Variants in KIAA1328 observed in about 807,000 individuals in gnomAD.
The protein encoded by KIAA1328 is KIAA1328.
Under a neutral mutation model 68.1 loss-of-function variants are expected in KIAA1328, and 52 were observed. The ratio of observed to expected loss-of-function variants is 0.76; its 90% confidence interval spans 0.61 to 0.96. The LOEUF is 0.96. Ranked by LOEUF, KIAA1328 falls within the 40% of genes least tolerant of loss-of-function variation. KIAA1328 has a pLI of 0.00. For missense variants in KIAA1328, 641 were observed against 677.6 expected (o/e 0.95, Z 0.60); for synonymous variants, 232 against 239.4 (o/e 0.97, Z 0.28).
chr18:37,036,748 C>T (rs2055042712), intron 6 of KIAA1328, among the ~76,000 whole-genome samples: 1 of 152,172 alleles, frequency 6.6e-6, no homozygotes, highest in Non-Finnish European at 1.5e-5. Flanking sequence ...TTTACATGCA[C>T]ACACACACAT....
intron 9 of KIAA1328, among the ~76,000 whole-genome samples, chr18:37,200,695 C>T (rs1050581212): frequency 2.0e-5 from 3 of 151,710 alleles, no homozygotes; most frequent in Non-Finnish European, 4.4e-5. Flanking sequence ...CCTGTAGTCC[C>T]AGCTACTCGG....
chr18:37,125,989 A>C (rs1320434617), intron 7 of KIAA1328, among the ~76,000 whole-genome samples: 1 of 152,216 alleles, frequency 6.6e-6, no homozygotes, highest in Non-Finnish European at 1.5e-5. Flanking sequence ...ATGTGTGCAA[A>C]AAATGATTGC....
At chr18:36,924,432 G>A (rs886433519) in intron 5 of KIAA1328, among the ~76,000 whole-genome samples, 5 of 152,062 alleles carry the variant, frequency 3.3e-5, no homozygotes, top group African/African-American at 1.2e-4. Flanking sequence ...GATTTGATGT[G>A]GGAGCTAACA....
chr18:36,857,085 CA>C (rs2047409106), intron 4 of KIAA1328, among the ~76,000 whole-genome samples: 1 of 152,114 alleles, frequency 6.6e-6, no homozygotes, highest in Non-Finnish European at 1.5e-5. Context: ...AGCCTCCTTG[CA>C]CTGCTAAGGC....
chr18:36,877,761 G>A (rs971691292), intron 4 of KIAA1328, among the ~76,000 whole-genome samples: 9 of 149,760 alleles, frequency 6.0e-5, no homozygotes, highest in African/African-American at 7.4e-5. Flanking sequence ...GTGCCTCCCA[G>A]GTTCAGGCCA....
At chr18:37,002,414 C>T (rs530508484) in intron 6 of KIAA1328, among the ~76,000 whole-genome samples, 360 of 151,448 alleles carry the variant, frequency 2.4e-3, no homozygotes, top group Non-Finnish European at 2.2e-3. Flanking sequence ...GAGATGGAGT[C>T]TCACTGTGTT....
Position 37,223,589 on chromosome 18 carries a change from C to T in KIAA1328, c.*1362C>T. On this transcript the variant is annotated 3_prime_UTR_variant, in exon 10 of 10. Coordinates refer to ENST00000280020, the MANE Select transcript of KIAA1328 (RefSeq NM_020776.3). Reference sequence around the variant, plus strand: ...TTTTTTTCTCTCCTTTTTACCAACCCCAACTAAACTGGGAGTAAGACTTAG... The same window carrying T: ...TTTTTTTCTCTCCTTTTTACCAACCTCAACTAAACTGGGAGTAAGACTTAG... The T allele has an allele frequency of 1.0e-6, 1 of 985,358 alleles. No homozygotes were observed. The highest frequency in any genetic ancestry group is 4.7e-5 in the South Asian group (1 of 21,270). 61.0% of individuals were successfully genotyped at this position (985,358 alleles called of 1,614,324 possible).
intron 7 of KIAA1328, among the ~76,000 whole-genome samples, chr18:37,086,825 C>G (rs2057118436): frequency 6.6e-6 from 1 of 152,190 alleles, no homozygotes; most frequent in African/African-American, 2.4e-5. Context: ...TTCCCCATCA[C>G]AACTATTAGG....
At chr18:37,093,038 C>A (rs965867389) in intron 7 of KIAA1328, among the ~76,000 whole-genome samples, 8 of 152,214 alleles carry the variant, frequency 5.3e-5, no homozygotes, top group Non-Finnish European at 1.0e-4. Flanking sequence ...CTATCAGATA[C>A]TGCTGACACT....
At chr18:37,040,112 C>G (rs1417820484) in intron 6 of KIAA1328, among the ~76,000 whole-genome samples, 2 of 152,150 alleles carry the variant, frequency 1.3e-5, no homozygotes, top group Non-Finnish European at 2.9e-5. Context: ...CCTTTTGCCA[C>G]CACTCTTAGA....
intron 6 of KIAA1328, among the ~76,000 whole-genome samples, chr18:36,984,857 G>A (rs1319660809): frequency 8.4e-5 from 11 of 130,218 alleles, no homozygotes; most frequent in Admixed American, 1.9e-4. Context: ...AGGGAGCAGA[G>A]ATCACACTAC....
chr18:37,004,455 T>C (rs1002810105), intron 6 of KIAA1328, among the ~76,000 whole-genome samples: 30 of 152,036 alleles, frequency 2.0e-4, no homozygotes, highest in African/African-American at 7.0e-4. Context: ...AGGACATGAA[T>C]AGACAATTCT....
At chr18:36,829,671 A>G (rs1568045649) in intron 1 of KIAA1328, among the ~76,000 whole-genome samples, 1 of 152,188 alleles carries the variant, frequency 6.6e-6, no homozygotes, top group Non-Finnish European at 1.5e-5. Flanking sequence ...TCGGACTTAA[A>G]AGGCCCTCCA....
intron 5 of KIAA1328, among the ~76,000 whole-genome samples, chr18:36,893,455 G>T (rs1287390817): frequency 1.5e-5 from 2 of 137,220 alleles, no homozygotes; most frequent in East Asian, 2.0e-4. Flanking sequence ...GTGTGTGTGT[G>T]TGTGTGTTTT....
chr18:37,143,358 T>C (rs1017150199), intron 7 of KIAA1328, among the ~76,000 whole-genome samples: 1 of 152,170 alleles, frequency 6.6e-6, no homozygotes, highest in African/African-American at 2.4e-5. Flanking sequence ...GACTATTGGT[T>C]TTTGAAGACT....
chr18:37,130,041 G>A (rs989093569), intron 7 of KIAA1328, among the ~76,000 whole-genome samples: 2 of 152,130 alleles, frequency 1.3e-5, no homozygotes, highest in Non-Finnish European at 2.9e-5. Flanking sequence ...TATGAGGAGA[G>A]GAGGGAGAGG....
intron 6 of KIAA1328, among the ~76,000 whole-genome samples, chr18:37,056,200 G>A (rs781654799): frequency 2.0e-5 from 3 of 152,076 alleles, no homozygotes; most frequent in African/African-American, 4.8e-5. Context: ...TTTGGTATGT[G>A]TTCATATATG....
chr18:36,926,258 T>A (rs1020037967), intron 5 of KIAA1328, among the ~76,000 whole-genome samples: 5 of 152,176 alleles, frequency 3.3e-5, no homozygotes, highest in African/African-American at 1.2e-4. Context: ...CATGCCTTCC[T>A]CAGCCTCCAG....
At chr18:37,189,389 T>A (rs1428841319) in intron 9 of KIAA1328, among the ~76,000 whole-genome samples, 1 of 152,196 alleles carries the variant, frequency 6.6e-6, no homozygotes, top group African/African-American at 2.4e-5. Context: ...TTGGTTAAAA[T>A]AAATTATTTT....
Sources: allele counts gnomAD v4.1 joint callset (sites outside exome capture counted in the v4.1 genomes callset), GRCh38; gene constraint gnomAD v4.1.1; transcripts MANE v1.5; gene names NCBI Gene and HGNC (gene_info 2026-07-23, HGNC 2026-07-21).